Variants in SART3 observed in about 807,000 individuals in gnomAD.
SART3 encodes spliceosome associated factor 3, U4/U6 recycling protein.
Under a neutral mutation model 122.3 loss-of-function variants are expected in SART3, and 44 were observed. The ratio of observed to expected loss-of-function variants is 0.36; its 90% CI spans 0.28 to 0.46. The LOEUF is 0.46. Ranked by LOEUF, SART3 falls within the 20% of genes least tolerant of loss-of-function variation. The probability of loss-of-function intolerance (pLI) is 1.00; values close to 1 mark genes in which losing one functional copy is unlikely to be tolerated. For synonymous variants in SART3, 442 were observed against 454.0 expected, an observed-to-expected ratio of 0.97 and a Z score of 0.34; for missense variants, 1,101 against 1,229.0, an observed-to-expected ratio of 0.90 and a Z score of 1.56.
At chr12:108,528,671 C>T (rs774010875) in intron 15 of SART3, among the ~76,000 whole-genome samples, 4 of 151,962 alleles carry the variant, frequency 2.6e-5, no homozygotes, top group African/African-American at 4.8e-5. Context: ...CATGCAGGGC[C>T]GTGCCTGGCC....
At chr12:108,558,368 G>A (rs2030322048) in intron 1 of SART3, among the ~76,000 whole-genome samples, 1 of 152,186 alleles carries the variant, frequency 6.6e-6, no homozygotes, top group African/African-American at 2.4e-5. Flanking sequence ...TAGACCACAG[G>A]ACAAAGAGGA....
chr12:108,533,182 G>A (rs1035255199), intron 12 of SART3, among the ~76,000 whole-genome samples: 3 of 152,158 alleles, frequency 2.0e-5, no homozygotes, highest in Middle Eastern at 3.4e-3. Context: ...GAGCCTCTCA[G>A]GGGCCCTGCA....
intron 3 of SART3, among the ~76,000 whole-genome samples, chr12:108,547,671 T>C (rs11113985): frequency 0.74 from 112,751 of 152,122 alleles, 43,684 homozygotes; most frequent in East Asian, 0.92. Context: ...AGTGTATTCA[T>C]TCCCTTACTA....
At position 108,526,505 on chromosome 12, in the gene SART3, C is replaced by T; in HGVS notation, c.1964G>A (p.Gly655Glu). The T allele has an allele frequency of 6.2e-7, 1 of 1,614,188 alleles. No homozygotes were observed. Among genetic ancestry groups the T allele is most frequent in the Non-Finnish European group, 8.5e-7 (1 of 1,180,048 alleles). ...TGCTACTTCTACATTTTGTGTTTCT[C>T]CAGCTGCAGGGATGCTGTTCTCGAC... ...RRVENSIPAA[G>E]ETQNVEVAAG... Residue 655 changes from glycine (G) to glutamate (E), a missense_variant, in exon 16 of 19, where the codon GGA (glycine) becomes GAA (glutamate). Transcript: ENST00000546815.
intron 15 of SART3, among the ~76,000 whole-genome samples, chr12:108,527,549 A>G (rs1236790147): frequency 2.6e-5 from 4 of 152,160 alleles, no homozygotes; most frequent in East Asian, 1.9e-4. Context: ...CCCTGATCAC[A>G]CACCACTGCG....
In SART3 at chr12:108,526,079, CT is replaced by C. The variant is rs754331890; in HGVS notation, c.2370+19del. The C allele has an allele frequency of 3.1e-6, 5 of 1,602,698 alleles. No homozygotes were observed. The highest frequency in any genetic ancestry group is 2.7e-5 in the African/African-American group (2 of 74,662). On this transcript the variant is annotated intron_variant, in intron 16 of 18. Coordinates refer to ENST00000546815, the MANE Select transcript of SART3 (RefSeq NM_014706.4). ...AAAGCAACCACAGATGAAAGGCATT[CT>C]TTTTTTCCATAAACCTACCTTAAAA...
Position 108,547,990 on chromosome 12 carries a change from C to A in SART3, c.441G>T (p.Glu147Asp). Residue 147 changes from glutamate (E) to aspartate (D), a missense_variant and splice_region_variant, in exon 3 of 19, where the codon GAG (glutamate) becomes GAT (aspartate). Transcript: ENST00000546815. ...CGTCATGCAGCCACTCCAGCCAGAG[C>A]TCTACGAGACAAAAATACTTCCCGC... The part of the protein sequence containing the change: ...KMSEIFPLTE[E>D]LWLEWLHDEI... The A allele has an allele frequency of 1.2e-6, 2 of 1,612,544 alleles. No individual in the cohort carries two copies. Among genetic ancestry groups the A allele is most frequent in the Non-Finnish European group, 1.7e-6 (2 of 1,179,864 alleles).
rs771849506 is a variant in SART3, at chr12:108,526,491, C to G, written c.1978G>C (p.Val660Leu). The G allele has an allele frequency of 6.2e-7, 1 of 1,614,190 alleles. No homozygotes were observed. Among genetic ancestry groups the G allele is most frequent in the Non-Finnish European group, 8.5e-7 (1 of 1,180,046 alleles). The change falls in exon 16 of 19, where the codon GTA becomes CTA. Residue 660 changes from valine to leucine, a missense_variant. By Grantham distance (32) the Val-to-Leu change is conservative. Transcript: ENST00000546815. ...SIPAAGETQN[V>L]EVAAGPAGKC... ...CCAGCGGGCCCTGCTGCTACTTCTA[C>G]ATTTTGTGTTTCTCCAGCTGCAGGG...
At chr12:108,534,064 G>A (rs1478980421) in intron 12 of SART3, among the ~76,000 whole-genome samples, 1 of 152,070 alleles carries the variant, frequency 6.6e-6, no homozygotes, top group Admixed American at 6.5e-5. Context: ...AGAATAATGT[G>A]CAAATAAATA....
chr12:108,525,580 T>A lies in SART3; in HGVS notation c.2400A>T (p.Lys800Asn). Residue 800 changes from lysine to asparagine, a missense_variant, in exon 17 of 19, where the codon AAA becomes AAT. Lys to Asn is a moderately conservative substitution (Grantham distance 94, BLOSUM62 0). This residue lies in a region of SART3 where 885 missense variants were observed against 1,080.1 expected (regional missense o/e 0.82). Transcript: ENST00000546815. ...GCAGGCCTGAGATGAACAGCTTGTG[T>A]TTCTCTAGGGAAGTGCTGTACCTGA... The part of the protein sequence containing the change: ...KVFRYSTSLE[K>N]HKLFISGLPF... 6.2e-7 allele frequency: 1 copy of A among 1,614,128 alleles called. No homozygotes were observed. The highest frequency in any genetic ancestry group is 8.5e-7 in the Non-Finnish European group (1 of 1,180,000).
chr12:108,558,091 C>T lies in SART3; in HGVS notation c.312+2752G>A, dbSNP rs2030309808. Among the ~76,000 whole-genome samples the T allele has an allele frequency of 6.6e-5, 10 of 152,062 alleles. No individual in the cohort carries two copies. In the South Asian group the frequency reaches 2.1e-3, roughly 32 times the overall value. ...GGATGAGCTGGGAGGATCACTTGAG[C>T]CTGGGAGGTCCTAGCTGCAGTGAGC... On this transcript the variant is annotated intron_variant, in intron 1 of 18. Coordinates refer to ENST00000546815, the MANE Select transcript of SART3 (RefSeq NM_014706.4).
chr12:108,530,350 A>G (rs370821235), intron 14 of SART3, 40 bp from the exon 15 acceptor site: 8 of 1,605,392 alleles, frequency 5.0e-6, no homozygotes, highest in Non-Finnish European at 6.8e-6. Flanking sequence ...GGATGTGGCA[A>G]TTACATTCAC....
chr12:108,547,683 A>C (rs1324358739), intron 3 of SART3, among the ~76,000 whole-genome samples: 1 of 152,196 alleles, frequency 6.6e-6, no homozygotes. Context: ...CCCTTACTAC[A>C]AGTGCTTCTT....
chr12:108,526,165 T>C lies in SART3; in HGVS notation c.2304A>G (p.Lys768=), dbSNP rs1473293145. Residue 768 remains lysine (K), a synonymous_variant, in exon 16 of 19, where the codon AAA becomes AAG. Transcript: ENST00000546815. The stretch of plus-strand genomic sequence containing the variant: ...CAAACATTGGCCTCCCTTCTACACT[T>C]TTCCGGTCCATCTCCAGTGCCTGAA... ...SALQALEMDR[K]SVEGRPMFVS... 1.9e-5 allele frequency: 31 copies of C among 1,614,238 alleles called. No homozygotes were observed. Among genetic ancestry groups the C allele is most frequent in the Non-Finnish European group, 2.4e-5 (28 of 1,180,030 alleles).
Position 108,534,178 on chromosome 12 carries a change from A to G in SART3, c.1556+1181T>C, listed in dbSNP as rs555963585. ...AGATATTAATGTTAGATAATTTGTT[A>G]TATTTAAATAAATTAAAATGTTTTT... On this transcript the variant is annotated intron_variant, in intron 12 of 18. Coordinates refer to ENST00000546815, the MANE Select transcript of SART3 (RefSeq NM_014706.4). Among the ~76,000 whole-genome samples, 3 of 152,334 alleles carry G rather than the reference A, an allele frequency of 2.0e-5. No individual in the cohort carries two copies. In the East Asian group the frequency reaches 5.8e-4, roughly 29 times the overall value.
intron 1 of SART3, among the ~76,000 whole-genome samples, chr12:108,554,470 T>C (rs1413735059): frequency 6.6e-6 from 1 of 151,968 alleles, no homozygotes; most frequent in African/African-American, 2.4e-5. Context: ...TCCAGTATAA[T>C]TTTTCCACCA....
rs780405149 is a variant in SART3, at chr12:108,561,023, G to A, written c.132C>T (p.Ala44=). 3 of 1,614,094 alleles carry A rather than the reference G, an allele frequency of 1.9e-6. No homozygotes were observed. Among genetic ancestry groups the A allele is most frequent in the African/African-American group, 1.3e-5 (1 of 75,022 alleles). The part of the protein sequence containing the change: ...TRRKVLSRAV[A]AATYKTMGPA... ...GCCCCATGGTCTTGTATGTCGCAGC[G>A]GCCACAGCCCGCGATAACACCTTCC... The change falls in exon 1 of 19, where the codon GCC becomes GCT. Residue 44 remains alanine (A), a synonymous_variant. Transcript: ENST00000546815.
At position 108,549,233 on chromosome 12, in the gene SART3, A is replaced by G. The variant is rs891033881; in HGVS notation, c.313-19T>C. ...TAGACAACTAACAGGAAAAGAAACA[A>G]GTTGAAATTTAAAACACCGTCATCA... On this transcript the variant is annotated intron_variant, in intron 1 of 18. Coordinates refer to ENST00000546815, the MANE Select transcript of SART3 (RefSeq NM_014706.4). 2 of 1,613,916 alleles carry G rather than the reference A, an allele frequency of 1.2e-6. No homozygotes were observed. The highest frequency in any genetic ancestry group is 2.7e-5 in the African/African-American group (2 of 74,930).
intron 1 of SART3, among the ~76,000 whole-genome samples, chr12:108,558,024 C>T (rs1052150150): frequency 6.6e-6 from 1 of 152,064 alleles, no homozygotes; most frequent in Non-Finnish European, 1.5e-5. Context: ...TTTTAATTAG[C>T]CAGGCATGGG....
Sources: gnomAD v4.1 joint callset for allele counts (sites outside exome capture counted in the v4.1 genomes callset) on GRCh38, gnomAD v4.1.1 for gene constraint, gnomAD v4.1.1 regional missense constraint, MANE v1.5 for transcripts, NCBI Gene and HGNC (gene_info 2026-07-23, HGNC 2026-07-21) for gene names.